The following SOS2 variants were observed in gnomAD, a reference collection of about 807,000 sequenced individuals.
The protein encoded by SOS2 is son of sevenless homolog 2.
A neutral mutation model predicts 148.2 loss-of-function variants in SOS2; 65 were observed. The observed-to-expected ratio is 0.44, with a 90% CI of 0.36 to 0.54. SOS2 has a LOEUF of 0.54. Among genes scored for constraint, SOS2 ranks in the 20% least tolerant of loss-of-function variants. The probability of loss-of-function intolerance (pLI) is 0.00; values close to 1 mark genes in which losing one functional copy is unlikely to be tolerated. For missense variants in SOS2, 1,341 were observed against 1,590.2 expected (o/e 0.84, Z 2.67); for synonymous variants, 539 against 537.1 (o/e 1.00, Z -0.05).
At chr14:50,221,240 A>C (rs1887193609) in intron 1 of SOS2, among the ~76,000 whole-genome samples, 1 of 152,198 alleles carries the variant, frequency 6.6e-6, no homozygotes, top group South Asian at 2.1e-4. Context: ...TTGAAAAAAT[A>C]ATTGCTTTTT....
chr14:50,122,765 T>A (rs1883558979), intron 21 of SOS2, among the ~76,000 whole-genome samples: 2 of 152,338 alleles, frequency 1.3e-5, no homozygotes, highest in Middle Eastern at 3.4e-3. Flanking sequence ...AAGACTACAG[T>A]CTTTATGAAC....
intron 1 of SOS2, chr14:50,230,869 G>C (rs766026729): frequency 6.6e-5 from 68 of 1,023,360 alleles, no homozygotes; most frequent in Admixed American, 1.7e-4. Context: ...TTTAGAAACT[G>C]TCTAAATACC....
chr14:50,136,765 T>A (rs902293281), intron 18 of SOS2, among the ~76,000 whole-genome samples: 1 of 152,018 alleles, frequency 6.6e-6, no homozygotes, highest in Non-Finnish European at 1.5e-5. Flanking sequence ...AATTTTTGTA[T>A]TTTTAGTGGA....
chr14:50,219,432 C>A (rs543474311), intron 1 of SOS2, among the ~76,000 whole-genome samples: 1 of 151,976 alleles, frequency 6.6e-6, no homozygotes, highest in Non-Finnish European at 1.5e-5. Context: ...AGAGTATGTA[C>A]TGTATGATTC....
intron 16 of SOS2, among the ~76,000 whole-genome samples, chr14:50,141,194 ACT>A (rs1182083195): frequency 6.2e-5 from 6 of 97,368 alleles, no homozygotes; most frequent in Non-Finnish European, 9.4e-5. Context: ...ACAGAGCGAG[ACT>A]CTGTCTCAAA....
At chr14:50,154,923 A>G (rs1311481728) in intron 12 of SOS2, among the ~76,000 whole-genome samples, 1 of 152,228 alleles carries the variant, frequency 6.6e-6, no homozygotes, top group Admixed American at 6.5e-5. Context: ...AGATGTGTGT[A>G]TCTTCTGTCT....
intron 21 of SOS2, among the ~76,000 whole-genome samples, chr14:50,128,320 CGAAAA>C (rs1268896211): frequency 1.3e-5 from 2 of 151,690 alleles, no homozygotes; most frequent in Non-Finnish European, 1.5e-5. Context: ...GAAAGGGAAA[CGAAAA>C]GAAAAGAAAA....
chr14:50,194,836 G>A (rs1886265448), intron 4 of SOS2, among the ~76,000 whole-genome samples: 1 of 150,696 alleles, frequency 6.6e-6, no homozygotes, highest in Non-Finnish European at 1.5e-5. Flanking sequence ...TGTCACCCAG[G>A]CCGGAGTGCA....
chr14:50,128,926 A>T (rs2139506272), intron 21 of SOS2, among the ~76,000 whole-genome samples: 1 of 152,196 alleles, frequency 6.6e-6, no homozygotes, highest in African/African-American at 2.4e-5. Context: ...GGCCAGATAA[A>T]AATTTTTTAA....
At chr14:50,178,713 C>A (rs10137251) in intron 7 of SOS2, among the ~76,000 whole-genome samples, 16 of 20,620 alleles carry the variant, frequency 7.8e-4, no homozygotes, top group Admixed American at 2.7e-3. Flanking sequence ...TATATATATA[C>A]ACACATATAC....
chr14:50,224,017 G>A, intron 1 of SOS2, among the ~76,000 whole-genome samples: 1 of 152,024 alleles, frequency 6.6e-6, no homozygotes, highest in East Asian at 1.9e-4. Context: ...CAGGCGCAGT[G>A]GCTCACGCCT....
intron 1 of SOS2, among the ~76,000 whole-genome samples, chr14:50,217,782 C>T (rs1167349764): frequency 1.3e-5 from 2 of 151,782 alleles, no homozygotes; most frequent in Non-Finnish European, 1.5e-5. Context: ...TGGTGAAACC[C>T]CGTCTGTACT....
intron 1 of SOS2, among the ~76,000 whole-genome samples, chr14:50,214,385 T>C (rs1886977722): frequency 6.6e-6 from 1 of 152,142 alleles, no homozygotes; most frequent in Admixed American, 6.5e-5. Context: ...TTCTAATAAA[T>C]TCAAATTAGG....
chr14:50,218,521 C>T (rs992140459), intron 1 of SOS2, among the ~76,000 whole-genome samples: 5 of 151,094 alleles, frequency 3.3e-5, no homozygotes, highest in East Asian at 1.9e-4. Flanking sequence ...AGACTCCATC[C>T]CCCCAAAAAA....
chr14:50,231,729 C>T (rs1295810837), upstream of SOS2, among the ~76,000 whole-genome samples: 1 of 151,986 alleles, frequency 6.6e-6, no homozygotes, highest in African/African-American at 2.4e-5. Context: ...TCCTCCCCGC[C>T]CTCCCAGCCG....
At chr14:50,218,774 A>G (rs1400543758) in intron 1 of SOS2, among the ~76,000 whole-genome samples, 2 of 152,168 alleles carry the variant, frequency 1.3e-5, no homozygotes, top group African/African-American at 4.8e-5. Context: ...TGCTGGTGGG[A>G]ATGTAAAACT....
intron 2 of SOS2, among the ~76,000 whole-genome samples, chr14:50,201,332 G>C (rs1212415192): frequency 6.6e-6 from 1 of 151,852 alleles, no homozygotes; most frequent in African/African-American, 2.4e-5. Flanking sequence ...CAGGAGTTTA[G>C]ACCAGCCAGG....
intron 5 of SOS2, among the ~76,000 whole-genome samples, chr14:50,183,313 G>A (rs191623316): frequency 4.5e-4 from 69 of 151,814 alleles, no homozygotes; most frequent in African/African-American, 1.7e-3. Context: ...TTAAAAGATG[G>A]AATCATACTG....
intron 16 of SOS2, among the ~76,000 whole-genome samples, chr14:50,143,040 A>G (rs772484642): frequency 6.6e-6 from 1 of 152,222 alleles, no homozygotes; most frequent in Non-Finnish European, 1.5e-5. Flanking sequence ...TAAAAATGAT[A>G]AAACGTCCTT....
Sources: gnomAD v4.1 joint callset for allele counts (sites outside exome capture counted in the v4.1 genomes callset) on GRCh38, gnomAD v4.1.1 for gene constraint, MANE v1.5 for transcripts, NCBI Gene and HGNC (gene_info 2026-07-23, HGNC 2026-07-21) for gene names.